The following PRRT1B variants were observed in gnomAD, a reference collection of about 807,000 sequenced individuals.
PRRT1B encodes dispanin subfamily D member 2.
At chr9:131,553,154 T>C (rs1951023039) in intron 1 of PRRT1B, among the ~76,000 whole-genome samples, 1 of 152,202 alleles carries the variant, frequency 6.6e-6, no homozygotes, top group African/African-American at 2.4e-5. Flanking sequence ...ATTTACCACT[T>C]GAACCACTTC....
exon 3 of PRRT1B, chr9:131,556,083 T>A (rs1188159399): frequency 2.5e-6 from 1 of 401,082 alleles, no homozygotes; most frequent in East Asian, 3.6e-5. Flanking sequence ...AATGGCCCGA[T>A]GGCTGGCGTG....
chr9:131,555,796 AT>A (rs1352682694), intron 2 of PRRT1B, among the ~76,000 whole-genome samples: 1 of 152,180 alleles, frequency 6.6e-6, no homozygotes, highest in Non-Finnish European at 1.5e-5. Context: ...CGATAGAGAT[AT>A]CACAGAGGCT....
At position 131,545,663 on chromosome 9, in the gene PRRT1B, T is replaced by C. The variant is rs1482671366; in HGVS notation, c.25+23T>C. On this transcript the variant is annotated intron_variant, in intron 1 of 3. Coordinates refer to ENST00000636672, the Ensembl canonical transcript of PRRT1B. ...CAGGTGCCGGAGGGGCAGGTGCTGGTGGGACAGGTACTGGCGGGGCAGGTA... is the reference window on the plus strand; with the variant it reads ...CAGGTGCCGGAGGGGCAGGTGCTGGCGGGACAGGTACTGGCGGGGCAGGTA... 11 of 384,222 alleles carry C rather than the reference T, an allele frequency of 2.9e-5. 1 individual carries two copies. Among genetic ancestry groups the C allele is most frequent in the South Asian group, 1.3e-4 (1 of 7,804 alleles). The allele number at this position is 384,222 out of a possible 1,614,324, so 23.8% of individuals were successfully genotyped here. A position where few individuals can be genotyped will look rare whatever the true frequency, so the allele number is the denominator to read the frequency against.
intron 1 of PRRT1B, 76 bp from the exon 2 acceptor site, chr9:131,554,481 G>A (rs1951032803): frequency 2.7e-6 from 1 of 368,120 alleles, no homozygotes; most frequent in Non-Finnish European, 4.9e-6. Flanking sequence ...AGCTTGGTTC[G>A]TGGGAACTGC....
chr9:131,558,006 G>T, intron 3 of PRRT1B, 47 bp from the exon 4 acceptor site: 1 of 398,608 alleles, frequency 2.5e-6, no homozygotes, highest in East Asian at 3.6e-5. Flanking sequence ...GGGAGTGGGG[G>T]CTCCCTGTTC....
exon 2 of PRRT1B, chr9:131,554,860 C>T: frequency 2.7e-6 from 1 of 376,952 alleles, no homozygotes; most frequent in Middle Eastern, 6.8e-4. Context: ...TACGCGCCGC[C>T]GGACCCCAAG....
chr9:131,547,065 CTTTTTTTTTTTTTTT>C (rs549825970), intron 1 of PRRT1B, among the ~76,000 whole-genome samples: 1 of 100,804 alleles, frequency 9.9e-6, no homozygotes, highest in Non-Finnish European at 1.8e-5. Context: ...CTCCTGTTCG[CTTTTTTTTTTTTTTT>C]TTTTTTTTTG....
intron 1 of PRRT1B, among the ~76,000 whole-genome samples, chr9:131,547,965 C>T (rs190172583): frequency 1.5e-4 from 23 of 152,254 alleles, no homozygotes; most frequent in African/African-American, 4.3e-4. Context: ...TTGGGAAGAC[C>T]GTCTTCCCTT....
At chr9:131,548,923 C>G (rs1950992568) in intron 1 of PRRT1B, among the ~76,000 whole-genome samples, 1 of 152,164 alleles carries the variant, frequency 6.6e-6, no homozygotes, top group Non-Finnish European at 1.5e-5. Context: ...AAGGTTAATG[C>G]TCCCTTTTCT....
chr9:131,559,450 C>T (rs1484338258), downstream of PRRT1B, among the ~76,000 whole-genome samples: 1 of 152,132 alleles, frequency 6.6e-6, no homozygotes, highest in Non-Finnish European at 1.5e-5. Flanking sequence ...CAAAAACAAA[C>T]AACCATTGCA....
Position 131,551,522 on chromosome 9 carries a change from A to G in PRRT1B, c.26-3035A>G, listed in dbSNP as rs1323753996. On this transcript the variant is annotated intron_variant, in intron 1 of 3. Transcript: ENST00000636672. The surrounding 1 kb of genome is among the most constrained non-coding windows in gnomAD (Gnocchi z 4.4). The stretch of plus-strand genomic sequence containing the variant: ...TTATTTTTCTAATTAATATAAGAAG[A>G]CAGGAATGTCAGGCCTCTGAGCCAA... Among the ~76,000 whole-genome samples, 2 of 152,226 alleles carry G rather than the reference A, an allele frequency of 1.3e-5. No individual in the cohort carries two copies. Among genetic ancestry groups the G allele is most frequent in the Non-Finnish European group, 2.9e-5 (2 of 68,046 alleles).
At chr9:131,553,803 C>T (rs879749961) in intron 1 of PRRT1B, among the ~76,000 whole-genome samples, 1 of 152,238 alleles carries the variant, frequency 6.6e-6, no homozygotes, top group Non-Finnish European at 1.5e-5. Flanking sequence ...CCAGGGCCTT[C>T]CTTGTACCCT....
At chr9:131,554,956 A>G (rs931960261) in exon 2 of PRRT1B, 17 of 385,912 alleles carry the variant, frequency 4.4e-5, no homozygotes, top group Middle Eastern at 6.5e-4. Context: ...CCGCCCGCCC[A>G]GCTCTACCCA....
chr9:131,554,348 T>C (rs943277130), intron 1 of PRRT1B, among the ~76,000 whole-genome samples: 70 of 152,156 alleles, frequency 4.6e-4, no homozygotes, highest in Admixed American at 6.5e-5. Flanking sequence ...GTCAGCAGCC[T>C]GGGTTCCCAC....
intron 1 of PRRT1B, among the ~76,000 whole-genome samples, chr9:131,547,636 C>T (rs890664380): frequency 2.0e-5 from 3 of 152,206 alleles, no homozygotes; most frequent in African/African-American, 7.2e-5. Context: ...GGTGCCGTGA[C>T]TCAGATCGGG....
At position 131,547,820 on chromosome 9, in the gene PRRT1B, C is replaced by A. The variant is rs549375632; in HGVS notation, c.25+2180C>A. Among the ~76,000 whole-genome samples, 20 of 152,336 alleles carry A rather than the reference C, an allele frequency of 1.3e-4. No homozygotes were observed. The South Asian group carries it at 3.9e-3, about 30-fold the overall frequency. ...TCCAACCTCCCTCACTATCCCTCAA[C>A]CTCGTTCTCCTTTCAGTCTTGGTGC... is the stretch of plus-strand genomic sequence containing the variant. On this transcript the variant is annotated intron_variant, in intron 1 of 3. Coordinates refer to ENST00000636672, the Ensembl canonical transcript of PRRT1B.
At chr9:131,547,076 T>TTTTTC (rs1950981447) in intron 1 of PRRT1B, among the ~76,000 whole-genome samples, 1 of 146,112 alleles carries the variant, frequency 6.8e-6, no homozygotes, top group African/African-American at 2.6e-5. Context: ...TTTTTTTTTT[T>TTTTTC]TTTTTTTTTT....
chr9:131,555,103 C>T (rs1020162891), intron 2 of PRRT1B, 74 bp downstream of exon 2: 38 of 112,496 alleles, frequency 3.4e-4, no homozygotes, highest in Non-Finnish European at 7.1e-5. Context: ...GTGCGGAGGC[C>T]GATAGGTCAC....
chr9:131,559,498 A>G (rs1951071384), downstream of PRRT1B, among the ~76,000 whole-genome samples: 1 of 152,192 alleles, frequency 6.6e-6, no homozygotes, highest in African/African-American at 2.4e-5. Flanking sequence ...GAGCCACACA[A>G]TATTGATAGC....
Sources: gnomAD v4.1 joint callset for allele counts (sites outside exome capture counted in the v4.1 genomes callset) on GRCh38, gnomAD v4.1.1 for gene constraint, Gnocchi (gnomAD v3.1) non-coding constraint, MANE v1.5 for transcripts, NCBI Gene and HGNC (gene_info 2026-07-23, HGNC 2026-07-21) for gene names.